Variants in MACF1 observed in about 807,000 individuals in gnomAD.
MACF1 encodes microtubule actin crosslinking factor 1.
Under a neutral mutation model 854.8 loss-of-function variants are expected in MACF1, and 193 were observed. That is an observed-to-expected ratio of 0.23 (90% CI 0.20 to 0.25). The LOEUF (loss-of-function observed/expected upper bound fraction) is 0.25. MACF1 is among the 10% of genes least tolerant of loss of function. The pLI is 1.00. For synonymous variants in MACF1, 3,185 were observed against 3,226.7 expected, an observed-to-expected ratio of 0.99 and a Z score of 0.44; for missense variants, 7,722 against 8,929.1, an observed-to-expected ratio of 0.86 and a Z score of 5.45.
At chr1:39,234,518 C>T (rs1373107504) in intron 2 of MACF1, among the ~76,000 whole-genome samples, 2 of 131,984 alleles carry the variant, frequency 1.5e-5, no homozygotes, top group African/African-American at 5.5e-5. Flanking sequence ...CCTCACCTCC[C>T]GGACGGGGCG....
rs1645599078 is a variant in MACF1, at chr1:39,283,926, C to T, written c.916-140C>T. On this transcript the variant is annotated intron_variant, in intron 9 of 100. Transcript: ENST00000564288. This position sits in a 1 kb window ranked among gnomAD's most constrained non-coding sequence, Gnocchi z 4.5. The stretch of plus-strand genomic sequence containing the variant: ...CCCTTGAGGAGCTTTGAAGCTAGTA[C>T]TGTGAGCATTAAACTGAGCAGCATC... The T allele has an allele frequency of 4.4e-6, 4 of 899,034 alleles. No individual in the cohort carries two copies. Among genetic ancestry groups the T allele is most frequent in the Non-Finnish European group, 6.9e-6 (4 of 582,310 alleles). 55.7% of individuals were successfully genotyped at this position (899,034 alleles called of 1,614,324 possible).
intron 70 of MACF1, among the ~76,000 whole-genome samples, chr1:39,436,176 C>T (rs1302489821): frequency 6.6e-6 from 1 of 152,134 alleles, no homozygotes; most frequent in East Asian, 1.9e-4. Flanking sequence ...GTTTAAGATG[C>T]TTGAGTAAGG....
chr1:39,251,409 T>A (rs936670268), intron 3 of MACF1, among the ~76,000 whole-genome samples: 1 of 152,222 alleles, frequency 6.6e-6, no homozygotes, highest in Admixed American at 6.5e-5. Flanking sequence ...TTGTAATGAT[T>A]TTATATTGAA....
In MACF1 at chr1:39,102,582, C is replaced by T. The variant is rs553400598; in HGVS notation, c.220+18144C>T. On this transcript the variant is annotated intron_variant, in intron 2 of 93. Coordinates refer to the MACF1 transcript ENST00000361689. Reference sequence around the variant, plus strand: ...CTGAGGCGAGATAACACATTAGAGGCGCTGAAAGAAATAGAAAGTGGCAGG... The same window carrying T: ...CTGAGGCGAGATAACACATTAGAGGTGCTGAAAGAAATAGAAAGTGGCAGG... 1.5e-5 allele frequency: 9 copies of T among 602,544 alleles called. No homozygotes were observed. In the South Asian group the frequency reaches 1.6e-4, roughly 11 times the overall value. 37.3% of individuals were successfully genotyped at this position (602,544 alleles called of 1,614,324 possible).
chr1:39,143,560 C>T (rs181279755), intron 2 of MACF1, among the ~76,000 whole-genome samples: 172 of 152,272 alleles, frequency 1.1e-3, no homozygotes, highest in Non-Finnish European at 1.7e-3. Context: ...CACTTTCCCA[C>T]CCTCATCCTG....
In MACF1 at chr1:39,157,922, G is replaced by A. The variant is rs180887868; in HGVS notation, c.221-73260G>A. ...GGGGTTTTGCCATGTTGCTCAGGCT[G>A]GACTTCTGTCTGTTTTCTCATCTGA... On this transcript the variant is annotated intron_variant, in intron 2 of 93. Transcript: ENST00000361689. Among the ~76,000 whole-genome samples, 916 of 152,186 alleles carry A rather than the reference G, an allele frequency of 6.0e-3. 16 individuals carry two copies. Among genetic ancestry groups the A allele is most frequent in the African/African-American group, 0.021 (859 of 41,506 alleles).
chr1:39,112,177 C>G (rs904682513), intron 2 of MACF1, among the ~76,000 whole-genome samples: 7 of 151,688 alleles, frequency 4.6e-5, no homozygotes, highest in Non-Finnish European at 8.8e-5. Flanking sequence ...ACCTCCACCC[C>G]CTGGGTTCAA....
At chr1:39,112,680 C>CA (rs11348708) in intron 2 of MACF1, among the ~76,000 whole-genome samples, 2 of 151,030 alleles carry the variant, frequency 1.3e-5, no homozygotes, top group African/African-American at 2.4e-5. Context: ...GACTTTATTG[C>CA]AAAAAAAAGA....
chr1:39,147,195 T>A (rs899390742), intron 2 of MACF1, among the ~76,000 whole-genome samples: 2 of 150,612 alleles, frequency 1.3e-5, no homozygotes, highest in Non-Finnish European at 3.0e-5. Context: ...TCCTTTCTCG[T>A]CTCTCCTCTC....
At chr1:39,190,851 C>T (rs530526747) in intron 2 of MACF1, among the ~76,000 whole-genome samples, 126 of 151,284 alleles carry the variant, frequency 8.3e-4, no homozygotes, top group African/African-American at 3.0e-3. Context: ...AAAAATTAGC[C>T]GGGCGTGGTG....
intron 23 of MACF1, among the ~76,000 whole-genome samples, chr1:39,303,778 C>CA (rs1646103549): frequency 6.6e-6 from 1 of 150,378 alleles, no homozygotes; most frequent in East Asian, 2.0e-4. Context: ...GCAGGAGAAT[C>CA]AGAGAATCGC....
intron 66 of MACF1, among the ~76,000 whole-genome samples, chr1:39,431,633 A>G (rs756641211): frequency 6.6e-6 from 1 of 152,114 alleles, no homozygotes; most frequent in Non-Finnish European, 1.5e-5. Flanking sequence ...GCGTATTTTT[A>G]AATGTAAGTG....
chr1:39,353,376 C>T, intron 44 of MACF1, 145 bp downstream of exon 44: 1 of 595,850 alleles, frequency 1.7e-6, no homozygotes, highest in South Asian at 2.5e-5. Flanking sequence ...CACTGTTGGC[C>T]ACTCCTCTTG....
intron 2 of MACF1, among the ~76,000 whole-genome samples, chr1:39,189,012 A>T (rs925878733): frequency 6.6e-5 from 10 of 152,234 alleles, no homozygotes; most frequent in African/African-American, 2.2e-4. Flanking sequence ...TGTTAGGATT[A>T]TAGGCGTGAG....
At chr1:39,087,173 A>G (rs1159045052) in intron 2 of MACF1, among the ~76,000 whole-genome samples, 1 of 152,230 alleles carries the variant, frequency 6.6e-6, no homozygotes, top group Admixed American at 6.5e-5. Flanking sequence ...CTGAAGCAGA[A>G]CTTTAATTGT....
At chr1:39,099,423 C>T (rs530319501) in intron 2 of MACF1, among the ~76,000 whole-genome samples, 61 of 152,348 alleles carry the variant, frequency 4.0e-4, no homozygotes, top group African/African-American at 1.2e-3. Context: ...TCCCAAAGTG[C>T]TGGGATTACA....
rs1646737473 is a variant in MACF1, at chr1:39,332,076, A to G, written c.5488A>G (p.Asn1830Asp). ...GCTAACAATAGATGAAGCAGTGAGC[A>G]ATGATCTAGTAGCTGCTAAGATCGC... is the stretch of plus-strand genomic sequence containing the variant. Reference protein sequence around the residue: ...QRLTIDEAVSNDLVAAKIALV... With the variant: ...QRLTIDEAVSDDLVAAKIALV... The change falls in exon 37 of 101, where the codon AAT becomes GAT. Residue 1830 changes from asparagine to aspartate, a missense_variant. Coordinates refer to ENST00000564288, the MANE Select transcript of MACF1 (RefSeq NM_001394062.1). The G allele has an allele frequency of 1.9e-6, 3 of 1,613,980 alleles. No individual in the cohort carries two copies. The highest frequency in any genetic ancestry group is 1.3e-5 in the African/African-American group (1 of 74,886).
rs549985153 is a variant in MACF1, at chr1:39,092,843, G to A, written c.220+8405G>A. Among the ~76,000 whole-genome samples the A allele has an allele frequency of 4.0e-5, 6 of 151,512 alleles. No individual in the cohort carries two copies. The South Asian group carries it at 1.3e-3, about 32-fold the overall frequency. ...CTGTTGCCCAGGCTAGAGTGCTGTG[G>A]TGCCATCTCAGCTCACTGCAACCTC... On this transcript the variant is annotated intron_variant, in intron 2 of 93. Coordinates refer to the MACF1 transcript ENST00000361689.
chr1:39,095,103 T>C lies in MACF1; in HGVS notation c.220+10665T>C, dbSNP rs189351944. ...CTTGGGTAGGCATGATTGACAACCA[T>C]GCAGAAATGTGATTGGGCAAAAAGG... On this transcript the variant is annotated intron_variant, in intron 2 of 93. Coordinates refer to the MACF1 transcript ENST00000361689. 1.9e-3 allele frequency among the ~76,000 whole-genome samples: 287 copies of C among 152,266 alleles called. 2 individuals carry two copies. Among genetic ancestry groups the C allele is most frequent in the Non-Finnish European group, 7.5e-4 (51 of 68,002 alleles).
Sources: allele counts gnomAD v4.1 joint callset (sites outside exome capture counted in the v4.1 genomes callset), GRCh38; gene constraint gnomAD v4.1.1; non-coding constraint Gnocchi (gnomAD v3.1); transcripts MANE v1.5; gene names NCBI Gene and HGNC (gene_info 2026-07-23, HGNC 2026-07-21).